Variants in COL23A1 observed in about 807,000 individuals in gnomAD.
COL23A1 encodes collagen alpha-1(XXIII) chain.
COL23A1 carries 97 observed loss-of-function variants against 99.3 expected under a neutral mutation model. The observed-to-expected ratio is 0.98, with a 90% CI of 0.83 to 1.16. The LOEUF is 1.16. COL23A1 is among the 50% of genes most tolerant of loss of function. COL23A1 has a pLI of 0.00. For synonymous variants in COL23A1, 320 were observed against 308.2 expected, an observed-to-expected ratio of 1.04 and a Z score of -0.40; for missense variants, 762 against 757.4, an observed-to-expected ratio of 1.01 and a Z score of -0.07.
intron 2 of COL23A1, among the ~76,000 whole-genome samples, chr5:178,349,403 C>A (rs1024708329): frequency 6.6e-6 from 1 of 152,162 alleles, no homozygotes; most frequent in Non-Finnish European, 1.5e-5. Flanking sequence ...CCGGGTGATG[C>A]TGTGACTGGC....
chr5:178,424,387 G>A (rs1037142274), intron 2 of COL23A1, among the ~76,000 whole-genome samples: 2 of 152,352 alleles, frequency 1.3e-5, no homozygotes, highest in South Asian at 2.1e-4. Context: ...TGTGCTCTGC[G>A]GGACGCACAC....
rs927387750 is a variant in COL23A1, at chr5:178,537,730, C to T, written c.361+22952G>A. On this transcript the variant is annotated intron_variant, in intron 2 of 28. Coordinates refer to ENST00000390654, the MANE Select transcript of COL23A1 (RefSeq NM_173465.4). ...CTGTGTGTGCAAGTGGTAAAATATA[C>T]ACGGCATGACGTTTACGTGGTGAAA... Among the ~76,000 whole-genome samples, 5 of 152,224 alleles carry T rather than the reference C, an allele frequency of 3.3e-5. 1 individual carries two copies. The highest frequency in any genetic ancestry group is 2.9e-5 in the Non-Finnish European group (2 of 68,034).
chr5:178,534,971 T>C (rs990769294), intron 2 of COL23A1, among the ~76,000 whole-genome samples: 7 of 132,432 alleles, frequency 5.3e-5, no homozygotes, highest in South Asian at 2.4e-4. Context: ...TTTTCCTTTT[T>C]CTTTTTTTTT....
rs1411927003 is a variant in COL23A1 at position 178,248,180 on chromosome 5, A to G, written c.1212+12T>C. 1 of 1,556,338 alleles carries G rather than the reference A, an allele frequency of 6.4e-7. No homozygotes were observed. On this transcript the variant is annotated intron_variant, in intron 20 of 28. Transcript: ENST00000390654. ...TGTTGGGGGAAGCCCTGACCCCCCCATACCCCCTTACCAGGCTCTCCTGTA... is the reference window on the plus strand; with the variant it reads ...TGTTGGGGGAAGCCCTGACCCCCCCGTACCCCCTTACCAGGCTCTCCTGTA...
chr5:178,272,826 A>G (rs2913841), intron 5 of COL23A1, among the ~76,000 whole-genome samples: 142,794 of 151,794 alleles, frequency 0.94, 67,342 homozygotes, highest in Non-Finnish European at 0.98. Context: ...CCCTTCCCCC[A>G]GGCCTGACCC....
chr5:178,365,139 G>A lies in COL23A1; in HGVS notation c.362-58220C>T, dbSNP rs1226109441. 1.6e-4 allele frequency among the ~76,000 whole-genome samples: 5 copies of A among 30,984 alleles called. No individual in the cohort carries two copies. The highest frequency in any genetic ancestry group is 2.8e-4 in the Non-Finnish European group (3 of 10,778). The allele number at this position is 30,984 out of a possible 152,430, so 20.3% of individuals were successfully genotyped here. A position where few individuals can be genotyped will look rare whatever the true frequency, so the allele number is the denominator to read the frequency against. The stretch of plus-strand genomic sequence containing the variant: ...CTTTATGATGTTGCTGTGTGTGCGT[G>A]TGTGTGTGTGTGTGTGTGTGTGTGT... On this transcript the variant is annotated intron_variant, in intron 2 of 28. Transcript: ENST00000390654. This position sits in a 1 kb window ranked among gnomAD's most constrained non-coding sequence, Gnocchi z 5.2.
intron 6 of COL23A1, among the ~76,000 whole-genome samples, chr5:178,269,486 CCCACCCAT>C (rs1561810166): frequency 2.6e-4 from 18 of 69,448 alleles, no homozygotes; most frequent in African/African-American, 4.3e-4. Flanking sequence ...CACCCATCCA[CCCACCCAT>C]CCACCCATCC....
intron 2 of COL23A1, among the ~76,000 whole-genome samples, chr5:178,321,480 C>CATTTTTTTTTT (rs761651933): frequency 9.2e-6 from 1 of 109,040 alleles, no homozygotes; most frequent in African/African-American, 4.0e-5. Context: ...GTCACCTTCC[C>CATTTTTTTTTT]TTTTTTTTTT....
intron 8 of COL23A1, among the ~76,000 whole-genome samples, chr5:178,264,976 G>GCCGGCCAGTT (rs1188658278): frequency 2.0e-5 from 3 of 152,274 alleles, no homozygotes; most frequent in Non-Finnish European, 4.4e-5. Flanking sequence ...TTTGTGATGA[G>GCCGGCCAGTT]CCGGCCAGTT....
At chr5:178,316,172 C>T (rs560817068) in intron 2 of COL23A1, among the ~76,000 whole-genome samples, 30 of 152,252 alleles carry the variant, frequency 2.0e-4, no homozygotes, top group Middle Eastern at 3.4e-3. Flanking sequence ...CACTAATACA[C>T]GTTCGTAATT....
chr5:178,552,088 C>T (rs1762029526), intron 2 of COL23A1, among the ~76,000 whole-genome samples: 1 of 152,190 alleles, frequency 6.6e-6, no homozygotes, highest in South Asian at 2.1e-4. Context: ...GAAGGACCCT[C>T]CTCCAACCCA....
Position 178,308,863 on chromosome 5 carries a change from A to G in COL23A1, c.362-1944T>C, listed in dbSNP as rs1758509471. Among the ~76,000 whole-genome samples the G allele has an allele frequency of 6.6e-6, 1 of 152,054 alleles. No individual in the cohort carries two copies. The highest frequency in any genetic ancestry group is 1.5e-5 in the Non-Finnish European group (1 of 68,012). On this transcript the variant is annotated intron_variant, in intron 2 of 28. Coordinates refer to ENST00000390654, the MANE Select transcript of COL23A1 (RefSeq NM_173465.4). The surrounding 1 kb of genome is among the most constrained non-coding windows in gnomAD (Gnocchi z 5.1). The stretch of plus-strand genomic sequence containing the variant: ...TTCCTCCTCTCTGGGCCTGTTTTCA[A>G]TGAGAGCGAGGTACGGGAACGGGAG...
intron 2 of COL23A1, among the ~76,000 whole-genome samples, chr5:178,457,391 T>A (rs1264777918): frequency 6.6e-6 from 1 of 152,074 alleles, no homozygotes; most frequent in Admixed American, 6.5e-5. Context: ...TTTTTTGTAT[T>A]TTTAGTAGAG....
chr5:178,246,242 T>C lies in COL23A1; in HGVS notation c.1413+12A>G, dbSNP rs1317905533. ...CCACGGTTGGAGAGGGAGTTCCGAA[T>C]GAGGCGGTTACCTTCTCTCCTTTGG... On this transcript the variant is annotated intron_variant, in intron 24 of 28. Transcript: ENST00000390654. 1.3e-6 allele frequency: 2 copies of C among 1,553,106 alleles called. No individual in the cohort carries two copies. The highest frequency in any genetic ancestry group is 1.4e-5 in the African/African-American group (1 of 73,232).
chr5:178,372,185 G>A (rs573757897), intron 2 of COL23A1, among the ~76,000 whole-genome samples: 3 of 152,342 alleles, frequency 2.0e-5, no homozygotes, highest in Non-Finnish European at 4.4e-5. Flanking sequence ...CGGGGCTGAC[G>A]CAGGGGGCTG....
intron 2 of COL23A1, among the ~76,000 whole-genome samples, chr5:178,331,982 C>A (rs1293815329): frequency 1.3e-5 from 2 of 152,176 alleles, no homozygotes; most frequent in Non-Finnish European, 2.9e-5. Flanking sequence ...CAGCCAGGGA[C>A]CATCCCAGGC....
At chr5:178,267,022 T>C (rs1238622078) in intron 8 of COL23A1, among the ~76,000 whole-genome samples, 1 of 152,242 alleles carries the variant, frequency 6.6e-6, no homozygotes, top group East Asian at 1.9e-4. Flanking sequence ...CTCAGGACGC[T>C]GTCTCCAGTC....
intron 5 of COL23A1, among the ~76,000 whole-genome samples, chr5:178,276,698 C>T (rs577402434): frequency 7.2e-4 from 109 of 152,300 alleles, no homozygotes; most frequent in African/African-American, 2.3e-3. Flanking sequence ...CAAGACTGTC[C>T]GGGGCTTAGC....
At chr5:178,265,835 G>T in intron 8 of COL23A1, 1 of 321,358 alleles carries the variant, frequency 3.1e-6, no homozygotes, top group Non-Finnish European at 4.5e-6. Context: ...CCAGAGAAAG[G>T]CAGTTAGGTG....
Sources: gnomAD v4.1 joint callset for allele counts (sites outside exome capture counted in the v4.1 genomes callset) on GRCh38, gnomAD v4.1.1 for gene constraint, Gnocchi (gnomAD v3.1) non-coding constraint, MANE v1.5 for transcripts, NCBI Gene and HGNC (gene_info 2026-07-23, HGNC 2026-07-21) for gene names.